SOX6: variants seen among roughly 807,000 people sequenced by gnomAD.
The protein encoded by SOX6 is SRY-box transcription factor 6.
In SOX6, 11 loss-of-function variants were observed where a neutral mutation model predicts 97.8. That is an observed-to-expected ratio of 0.11 (90% CI 0.07 to 0.19). The LOEUF (loss-of-function observed/expected upper bound fraction) is 0.19, where lower values mean the gene tolerates loss of function less well. Among genes scored for constraint, SOX6 ranks in the 10% least tolerant of loss-of-function variants. SOX6 has a pLI of 1.00. For synonymous variants in SOX6, 360 were observed against 371.4 expected (o/e 0.97, Z 0.35); for missense variants, 810 against 1,039.5 (o/e 0.78, Z 3.04).
chr11:16,627,739 C>A (rs1413979976), intron 3 of SOX6, among the ~76,000 whole-genome samples: 2 of 152,162 alleles, frequency 1.3e-5, no homozygotes, highest in African/African-American at 2.4e-5. Context: ...TTCTCCCATT[C>A]TGTGGGCTGT....
intron 1 of SOX6, among the ~76,000 whole-genome samples, chr11:16,406,699 G>C (rs1858693777): frequency 1.3e-5 from 2 of 152,058 alleles, no homozygotes; most frequent in Admixed American, 6.6e-5. Flanking sequence ...GCACTGAAAA[G>C]TTTTATGGCA....
At chr11:16,196,404 G>C (rs1454139894) in intron 4 of SOX6, among the ~76,000 whole-genome samples, 1 of 152,134 alleles carries the variant, frequency 6.6e-6, no homozygotes, top group Non-Finnish European at 1.5e-5. Context: ...TTACCCAACA[G>C]ACAATGTAGC....
chr11:16,014,827 C>A, intron 13 of SOX6, 115 bp downstream of exon 13: 1 of 940,752 alleles, frequency 1.1e-6, no homozygotes, highest in South Asian at 1.4e-5. Context: ...CTTTGCTTTG[C>A]CTAAGAAATC....
intron 4 of SOX6, among the ~76,000 whole-genome samples, chr11:16,609,974 T>TA (rs1292338101): frequency 1.3e-5 from 2 of 152,204 alleles, no homozygotes; most frequent in African/African-American, 2.4e-5. Context: ...TACACCCTGG[T>TA]ACCTTGCTGG....
At chr11:16,624,308 C>T (rs1425478570) in intron 3 of SOX6, among the ~76,000 whole-genome samples, 1 of 151,940 alleles carries the variant, frequency 6.6e-6, no homozygotes, top group African/African-American at 2.4e-5. Context: ...CTGCCTCAGC[C>T]TCCCAAGTAG....
At chr11:16,509,360 T>A (rs1407412260) in intron 4 of SOX6, among the ~76,000 whole-genome samples, 4 of 152,050 alleles carry the variant, frequency 2.6e-5, no homozygotes. Context: ...CAGTTAATGC[T>A]ATTTATGCTA....
rs777292893 is a variant in SOX6, at chr11:16,341,038, T to G, written c.211A>C (p.Ser71Arg). The G allele has an allele frequency of 6.2e-7, 1 of 1,613,438 alleles. No homozygotes were observed. Among genetic ancestry groups the G allele is most frequent in the South Asian group, 1.1e-5 (1 of 91,072 alleles). ...ATTCTTTGCTGAGATGACAGAACGCTGTCCCAGTCAGCATCTTGTTGAATG... is the reference window on the plus strand; with the variant it reads ...ATTCTTTGCTGAGATGACAGAACGCGGTCCCAGTCAGCATCTTGTTGAATG... ...STIQQDADWD[S>R]VLSSQQRMES... Residue 71 changes from serine to arginine, a missense_variant, in exon 2 of 16, where the codon AGC (serine) becomes CGC (arginine). By Grantham distance (110) the Ser-to-Arg change is moderately radical (BLOSUM62 -1). This residue lies in a region of SOX6 where 100 missense variants were observed against 94.6 expected (regional missense o/e 1.06). Transcript: ENST00000683767.
intron 3 of SOX6, among the ~76,000 whole-genome samples, chr11:16,687,289 C>T (rs1023700961): frequency 1.3e-5 from 2 of 152,142 alleles, no homozygotes; most frequent in African/African-American, 2.4e-5. Context: ...AGCAGGAGCA[C>T]GCATCTCACA....
chr11:16,468,022 G>C (rs1396270698), intron 1 of SOX6, among the ~76,000 whole-genome samples: 1 of 152,080 alleles, frequency 6.6e-6, no homozygotes, highest in Admixed American at 6.5e-5. Context: ...TTATCTTCTT[G>C]GTTAGAAACA....
chr11:16,415,839 C>G (rs139944718), intron 1 of SOX6, among the ~76,000 whole-genome samples: 2 of 152,128 alleles, frequency 1.3e-5, no homozygotes, highest in African/African-American at 4.8e-5. Context: ...TAAAGAGAAT[C>G]TTGAAGAAAA....
At chr11:16,722,633 A>G (rs1340568061) in intron 2 of SOX6, among the ~76,000 whole-genome samples, 2 of 152,162 alleles carry the variant, frequency 1.3e-5, no homozygotes, top group Admixed American at 6.5e-5. Flanking sequence ...CCTGGGCAAC[A>G]AAGTGAAACT....
intron 3 of SOX6, chr11:16,646,238 C>T (rs1220785801): frequency 6.6e-6 from 1 of 152,224 alleles, no homozygotes; most frequent in Non-Finnish European, 1.5e-5. Flanking sequence ...ATAAACTCTA[C>T]TGGCAAAACA....
chr11:16,557,106 T>C (rs1847757043), intron 4 of SOX6, among the ~76,000 whole-genome samples: 2 of 151,780 alleles, frequency 1.3e-5, no homozygotes, highest in African/African-American at 2.4e-5. Flanking sequence ...AATACAACTA[T>C]AGTTTCTCAT....
At chr11:16,714,991 A>G (rs1418772170) in intron 2 of SOX6, 1 of 152,232 alleles carries the variant, frequency 6.6e-6, no homozygotes, top group Non-Finnish European at 1.5e-5. Flanking sequence ...TGTCAAACAT[A>G]GATAAATGAC....
At chr11:15,990,748 G>A (rs767487430) in intron 13 of SOX6, among the ~76,000 whole-genome samples, 9 of 152,100 alleles carry the variant, frequency 5.9e-5, no homozygotes, top group East Asian at 5.8e-4. Context: ...GGCTTCTACC[G>A]CATAACAGGA....
At chr11:16,298,631 C>T (rs184621404) in intron 3 of SOX6, among the ~76,000 whole-genome samples, 3 of 151,966 alleles carry the variant, frequency 2.0e-5, no homozygotes, top group African/African-American at 4.8e-5. Flanking sequence ...AATAAATGGT[C>T]CATTCAGATG....
rs149710263 is a variant in SOX6, at chr11:16,373,821, GAGGAAGGAAGGAAGGAAGGA to G, written c.-4-32589_-4-32570del. ...AGAAAGGGGGAGGGAGGGAGGGAGA[GAGGAAGGAAGGAAGGAAGGA>G]AGGAAGGAAGGAAGGAAGGAAGGAA... On this transcript the variant is annotated intron_variant, in intron 1 of 15. Coordinates refer to the SOX6 transcript ENST00000396356. 5.6e-3 allele frequency among the ~76,000 whole-genome samples: 586 copies of G among 105,492 alleles called. 13 individuals are homozygous for G. The highest frequency in any genetic ancestry group is 0.019 in the African/African-American group (503 of 25,982). The allele number at this position is 105,492 out of a possible 152,430, so 69.2% of individuals were successfully genotyped here.
chr11:16,312,433 A>G (rs1046076166), intron 3 of SOX6: 1 of 152,206 alleles, frequency 6.6e-6, no homozygotes, highest in African/African-American at 2.4e-5. Flanking sequence ...CTAGGATCAT[A>G]TACTTAGTAG....
intron 1 of SOX6, among the ~76,000 whole-genome samples, chr11:16,347,153 G>T (rs1856794702): frequency 6.6e-6 from 1 of 152,096 alleles, no homozygotes; most frequent in African/African-American, 2.4e-5. Flanking sequence ...TGCTGGAAGA[G>T]ACAGGCAGCC....
Sources: allele counts gnomAD v4.1 joint callset (sites outside exome capture counted in the v4.1 genomes callset), GRCh38; gene constraint gnomAD v4.1.1; regional missense constraint gnomAD v4.1.1; transcripts MANE v1.5; gene names NCBI Gene and HGNC (gene_info 2026-07-23, HGNC 2026-07-21).